VPS13A: variants seen among roughly 807,000 people sequenced by gnomAD.
The protein encoded by VPS13A is intermembrane lipid transfer protein VPS13A.
Under a neutral mutation model 390.9 loss-of-function variants are expected in VPS13A, and 264 were observed. The ratio of observed to expected loss-of-function variants is 0.68; its 90% confidence interval spans 0.61 to 0.75. The LOEUF is 0.75. Among genes scored for constraint, VPS13A ranks in the 30% least tolerant of loss-of-function variants. The pLI is 0.00. For synonymous variants in VPS13A, 1,231 were observed against 1,227.1 expected (o/e 1.00, Z -0.07); for missense variants, 3,409 against 3,733.9 (o/e 0.91, Z 2.27).
chr9:77,378,848 G>C (rs1045650332), intron 67 of VPS13A, among the ~76,000 whole-genome samples: 38 of 151,746 alleles, frequency 2.5e-4, no homozygotes, highest in African/African-American at 9.0e-4. Context: ...TCTGAGCACT[G>C]TCTTTGCTGC....
At chr9:77,313,052 T>C (rs1425242241) in intron 35 of VPS13A, among the ~76,000 whole-genome samples, 1 of 152,192 alleles carries the variant, frequency 6.6e-6, no homozygotes, top group Non-Finnish European at 1.5e-5. Flanking sequence ...AATAGGAGGA[T>C]AAACTATTTC....
At chr9:77,279,655 TA>T (rs1260914465) in intron 26 of VPS13A, among the ~76,000 whole-genome samples, 7 of 152,258 alleles carry the variant, frequency 4.6e-5, no homozygotes, top group Admixed American at 3.3e-4. Context: ...CTGCTGTCCA[TA>T]TCAGTATAAC....
rs1807011447 is a variant in VPS13A, at chr9:77,416,244, T to C, written c.*238T>C. ...CAATTACCCGGTTTTCTAAATTGAA[T>C]CATGCATCTATTTATAATTCTAATT... is the stretch of plus-strand genomic sequence containing the variant. On this transcript the variant is annotated 3_prime_UTR_variant, in exon 72 of 72. Transcript: ENST00000360280. 6.6e-6 allele frequency: 3 copies of C among 453,232 alleles called. No homozygotes were observed. The highest frequency in any genetic ancestry group is 1.2e-5 in the Non-Finnish European group (3 of 247,964). 28.1% of individuals were successfully genotyped at this position (453,232 alleles called of 1,614,324 possible). A position where few individuals can be genotyped will look rare whatever the true frequency, so the allele number is the denominator to read the frequency against.
intron 39 of VPS13A, among the ~76,000 whole-genome samples, chr9:77,317,194 G>GT (rs1223197448): frequency 6.6e-6 from 1 of 151,994 alleles, no homozygotes. Flanking sequence ...TTGCAAGACA[G>GT]TTGGCCCTCC....
intron 1 of VPS13A, among the ~76,000 whole-genome samples, chr9:77,196,912 C>A (rs1336591530): frequency 6.6e-6 from 1 of 152,020 alleles, no homozygotes; most frequent in Non-Finnish European, 1.5e-5. Context: ...TTTTGAAGAA[C>A]TTCCATAGTG....
chr9:77,406,401 T>C (rs781156587), intron 70 of VPS13A, among the ~76,000 whole-genome samples: 1 of 152,132 alleles, frequency 6.6e-6, no homozygotes, highest in Non-Finnish European at 1.5e-5. Context: ...TGAGACCTTA[T>C]ATCTACAATT....
chr9:77,370,636 A>C, intron 65 of VPS13A, 58 bp downstream of exon 65: 1 of 1,605,980 alleles, frequency 6.2e-7, no homozygotes, highest in Non-Finnish European at 8.5e-7. Flanking sequence ...ACAAACCTAC[A>C]TTTGCGAATA....
chr9:77,209,657 G>A (rs2131140982), intron 6 of VPS13A, 125 bp downstream of exon 6: 1 of 658,884 alleles, frequency 1.5e-6, no homozygotes. Flanking sequence ...TAAAGATGAT[G>A]TGATCCTTCT....
intron 35 of VPS13A, among the ~76,000 whole-genome samples, chr9:77,309,534 T>C (rs1279155402): frequency 6.6e-6 from 1 of 152,178 alleles, no homozygotes; most frequent in African/African-American, 2.4e-5. Flanking sequence ...TACATACATA[T>C]GTATCATAAA....
intron 2 of VPS13A, among the ~76,000 whole-genome samples, chr9:77,200,495 A>G (rs1825266654): frequency 6.6e-6 from 1 of 152,180 alleles, no homozygotes; most frequent in Non-Finnish European, 1.5e-5. Flanking sequence ...TCTCAAAACA[A>G]AACAAAACAA....
Position 77,339,919 on chromosome 9 carries a change from A to T in VPS13A, c.6774+8A>T. 6.2e-7 allele frequency: 1 copy of T among 1,607,652 alleles called. No individual in the cohort carries two copies. The highest frequency in any genetic ancestry group is 2.2e-5 in the East Asian group (1 of 44,856). On this transcript the variant is annotated splice_region_variant and intron_variant, in intron 48 of 71. Coordinates refer to ENST00000360280, the MANE Select transcript of VPS13A (RefSeq NM_033305.3). Reference sequence around the variant, plus strand: ...TTTTTTAATAACAATAAGGTATGCGATGTTTATTCTGTTTTTCCCTTGTCT... The same window carrying T: ...TTTTTTAATAACAATAAGGTATGCGTTGTTTATTCTGTTTTTCCCTTGTCT...
At chr9:77,394,290 C>T (rs1834029951) in intron 68 of VPS13A, among the ~76,000 whole-genome samples, 1 of 151,580 alleles carries the variant, frequency 6.6e-6, no homozygotes, top group South Asian at 2.1e-4. Context: ...TAGTCTTGAA[C>T]TCTTGTGCTC....
intron 68 of VPS13A, 138 bp from the exon 69 acceptor site, chr9:77,403,098 T>C (rs1834458452): frequency 1.6e-6 from 1 of 643,346 alleles, no homozygotes; most frequent in Admixed American, 2.6e-5. Context: ...GCAATGATTT[T>C]ACAAATAATT....
chr9:77,363,292 T>C (rs2131572073), intron 59 of VPS13A, among the ~76,000 whole-genome samples: 1 of 152,212 alleles, frequency 6.6e-6, no homozygotes, highest in South Asian at 2.1e-4. Context: ...TTGAGTGTTT[T>C]TAATCATGAT....
intron 10 of VPS13A, among the ~76,000 whole-genome samples, chr9:77,217,771 C>T (rs1166067546): frequency 1.3e-5 from 2 of 150,178 alleles, no homozygotes; most frequent in African/African-American, 2.4e-5. Context: ...AACATACAAG[C>T]GCTTTTTTTT....
intron 44 of VPS13A, among the ~76,000 whole-genome samples, chr9:77,322,789 G>A (rs181599833): frequency 6.6e-6 from 1 of 152,124 alleles, no homozygotes; most frequent in Admixed American, 6.5e-5. Flanking sequence ...CCAGAGATCA[G>A]TATTCTTGTA....
intron 41 of VPS13A, among the ~76,000 whole-genome samples, 162 bp downstream of exon 41, chr9:77,318,753 GC>G (rs1447983601): frequency 1.3e-5 from 2 of 152,026 alleles, no homozygotes; most frequent in Non-Finnish European, 2.9e-5. Context: ...TTCAAATTTT[GC>G]CCTTGAATAA....
chr9:77,372,153 T>C (rs1424434757), intron 67 of VPS13A, among the ~76,000 whole-genome samples: 2 of 151,662 alleles, frequency 1.3e-5, no homozygotes, highest in South Asian at 4.2e-4. Context: ...TTATAGTCCT[T>C]TGGGTATATA....
rs151326270 is a variant in VPS13A, at chr9:77,186,787, G to A, written c.100+8983G>A. Among the ~76,000 whole-genome samples, 883 of 152,136 alleles carry A rather than the reference G, an allele frequency of 5.8e-3. 12 individuals carry two copies. Among genetic ancestry groups the A allele is most frequent in the African/African-American group, 0.021 (852 of 41,478 alleles). On this transcript the variant is annotated intron_variant, in intron 1 of 71. Transcript: ENST00000360280. ...TCATGTCATTAAGTACACTTACATTGTGCAACCATCACCACCATTCATCTC... is the reference window on the plus strand; with the variant it reads ...TCATGTCATTAAGTACACTTACATTATGCAACCATCACCACCATTCATCTC...
Sources: allele counts gnomAD v4.1 joint callset (sites outside exome capture counted in the v4.1 genomes callset), GRCh38; gene constraint gnomAD v4.1.1; transcripts MANE v1.5; gene names NCBI Gene and HGNC (gene_info 2026-07-23, HGNC 2026-07-21).